DAB1: variants seen among roughly 807,000 people sequenced by gnomAD.
DAB1 encodes the protein DAB adaptor protein 1, also known as disabled homolog 1.
DAB1 carries 15 observed loss-of-function variants against 64.6 expected under a neutral mutation model. The ratio of observed to expected loss-of-function variants is 0.23; its 90% CI spans 0.16 to 0.36. The LOEUF (loss-of-function observed/expected upper bound fraction) is 0.36. Ranked by LOEUF, DAB1 falls within the 10% of genes least tolerant of loss-of-function variation. The pLI is 1.00. For synonymous variants in DAB1, 235 were observed against 251.9 expected, an observed-to-expected ratio of 0.93 and a Z score of 0.64; for missense variants, 596 against 706.7, an observed-to-expected ratio of 0.84 and a Z score of 1.78.
At chr1:58,105,792 C>T (rs1342535826) in intron 5 of DAB1, among the ~76,000 whole-genome samples, 1 of 152,176 alleles carries the variant, frequency 6.6e-6, no homozygotes, top group Non-Finnish European at 1.5e-5. Context: ...GAAAGAGAAA[C>T]ATGTATAAGC....
intron 1 of DAB1, among the ~76,000 whole-genome samples, chr1:57,871,924 A>G (rs1643956520): frequency 6.6e-6 from 1 of 152,118 alleles, no homozygotes; most frequent in Non-Finnish European, 1.5e-5. Flanking sequence ...CATTCAACAG[A>G]CACCAAAGTG....
intron 1 of DAB1, among the ~76,000 whole-genome samples, chr1:57,861,614 A>C (rs1654038754): frequency 6.6e-6 from 1 of 151,862 alleles, no homozygotes; most frequent in Non-Finnish European, 1.5e-5. Flanking sequence ...GCTACCTAAC[A>C]CCTCTGAACT....
intron 5 of DAB1, among the ~76,000 whole-genome samples, chr1:58,058,045 A>T (rs1648249516): frequency 6.6e-6 from 1 of 152,078 alleles, no homozygotes; most frequent in African/African-American, 2.4e-5. Context: ...CAGTTGCAAC[A>T]CTGTTATATG....
intron 14 of DAB1, among the ~76,000 whole-genome samples, chr1:57,004,506 C>T (rs1022350412): frequency 6.6e-6 from 1 of 152,162 alleles, no homozygotes; most frequent in Non-Finnish European, 1.5e-5. Flanking sequence ...ACTTATGCCC[C>T]ATCCCGGGGG....
chr1:57,218,514 C>CT (rs1427154288), intron 2 of DAB1, among the ~76,000 whole-genome samples: 2 of 56,132 alleles, frequency 3.6e-5, no homozygotes, highest in Admixed American at 4.3e-4. Flanking sequence ...ACCCCCATCT[C>CT]TAAAAAAAAA....
At chr1:58,484,169 C>T (rs2100355203) in intron 3 of DAB1, among the ~76,000 whole-genome samples, 1 of 152,326 alleles carries the variant, frequency 6.6e-6, no homozygotes, top group East Asian at 1.9e-4. Flanking sequence ...TAGTCATGGT[C>T]CCTGCCCTCA....
chr1:58,360,501 T>G (rs1644155345), intron 3 of DAB1, among the ~76,000 whole-genome samples: 1 of 152,122 alleles, frequency 6.6e-6, no homozygotes, highest in Non-Finnish European at 1.5e-5. Context: ...TCTTGCCGCC[T>G]TTTCATCTTT....
intron 4 of DAB1, among the ~76,000 whole-genome samples, chr1:58,280,571 T>A (rs1248135656): frequency 1.3e-5 from 2 of 152,228 alleles, no homozygotes; most frequent in Non-Finnish European, 2.9e-5. Context: ...ATTACCCAAT[T>A]TCTGGTAGAA....
At chr1:58,018,016 G>A (rs188717133) in intron 5 of DAB1, among the ~76,000 whole-genome samples, 4 of 152,208 alleles carry the variant, frequency 2.6e-5, no homozygotes, top group Admixed American at 1.3e-4. Context: ...ACCACGGTTC[G>A]CCAATTGACA....
chr1:57,559,442 C>T (rs61394422), intron 7 of DAB1, among the ~76,000 whole-genome samples: 1,825 of 152,214 alleles, frequency 0.012, 52 homozygotes, highest in African/African-American at 0.042. Flanking sequence ...CCATCCTTCC[C>T]GAAGGGGACC....
chr1:58,185,015 G>T (rs1361719682), intron 4 of DAB1, among the ~76,000 whole-genome samples: 1 of 152,152 alleles, frequency 6.6e-6, no homozygotes, highest in African/African-American at 2.4e-5. Flanking sequence ...TAAAGAGTGG[G>T]AAAGGTTCTT....
intron 4 of DAB1, among the ~76,000 whole-genome samples, chr1:58,179,060 A>T (rs1474820395): frequency 6.6e-6 from 1 of 152,084 alleles, no homozygotes; most frequent in Non-Finnish European, 1.5e-5. Flanking sequence ...GAATTTTGTC[A>T]AATACTTTTT....
chr1:57,099,700 G>A (rs770213516), intron 4 of DAB1, among the ~76,000 whole-genome samples: 3 of 152,182 alleles, frequency 2.0e-5, no homozygotes, highest in African/African-American at 7.2e-5. Flanking sequence ...AAACTAGCAC[G>A]TATGCAATTT....
chr1:58,267,684 A>G (rs1354517983), intron 4 of DAB1, among the ~76,000 whole-genome samples: 1 of 152,210 alleles, frequency 6.6e-6, no homozygotes, highest in Non-Finnish European at 1.5e-5. Flanking sequence ...GAACATCAGT[A>G]TATGTCAATC....
chr1:58,387,722 CT>C (rs35563837), intron 3 of DAB1, among the ~76,000 whole-genome samples: 4,559 of 65,550 alleles, frequency 0.07, 265 homozygotes, highest in African/African-American at 0.2. Flanking sequence ...CTTTTCTTTT[CT>C]TTTTTTTTTT....
intron 5 of DAB1, among the ~76,000 whole-genome samples, chr1:57,916,569 G>A (rs1003979005): frequency 3.3e-5 from 5 of 152,214 alleles, no homozygotes; most frequent in Non-Finnish European, 5.9e-5. Context: ...AATTAGTTGA[G>A]TTCTCAAAAT....
chr1:57,213,877 C>T (rs894116596), intron 2 of DAB1, among the ~76,000 whole-genome samples: 3 of 152,166 alleles, frequency 2.0e-5, no homozygotes, highest in Non-Finnish European at 4.4e-5. Context: ...CTATAAAATT[C>T]CATGATTCAT....
chr1:57,283,839 AG>A (rs36070962), intron 2 of DAB1, among the ~76,000 whole-genome samples: 1 of 152,194 alleles, frequency 6.6e-6, no homozygotes, highest in African/African-American at 2.4e-5. Context: ...GCCATTGCCC[AG>A]GGGAGTGACC....
At chr1:57,062,802 G>C in intron 9 of DAB1, 82 bp downstream of exon 9, 1 of 1,161,178 alleles carries the variant, frequency 8.6e-7, no homozygotes, top group Admixed American at 1.8e-5. Flanking sequence ...TCCAGGAGAA[G>C]GGTTTCCTTC....
Sources: gnomAD v4.1 joint callset for allele counts (sites outside exome capture counted in the v4.1 genomes callset) on GRCh38, gnomAD v4.1.1 for gene constraint, MANE v1.5 for transcripts, NCBI Gene and HGNC (gene_info 2026-07-23, HGNC 2026-07-21) for gene names.